The following GALNT13 variants were observed in gnomAD, a reference collection of about 807,000 sequenced individuals.
GALNT13 encodes the protein UDP-GalNAc:polypeptide N-acetylgalactosaminyltransferase 13.
A neutral mutation model predicts 64.2 loss-of-function variants in GALNT13; 28 were observed. That is an observed-to-expected ratio of 0.44 (90% CI 0.32 to 0.60). The LOEUF (loss-of-function observed/expected upper bound fraction) is 0.60, where lower values mean the gene tolerates loss of function less well. Among genes scored for constraint, GALNT13 ranks in the 20% least tolerant of loss-of-function variants. The pLI, the probability that GALNT13 is intolerant of heterozygous loss-of-function variation, is 0.05. For missense variants in GALNT13, 577 were observed against 669.8 expected (o/e 0.86, Z 1.53); for synonymous variants, 214 against 224.6 (o/e 0.95, Z 0.42).
the GALNT13 span, among the ~76,000 whole-genome samples, chr2:153,394,958 C>T: frequency 6.6e-6 from 1 of 152,034 alleles, no homozygotes; most frequent in South Asian, 2.1e-4. Flanking sequence ...AAGATCCGAT[C>T]CCAAGCTTTC....
chr2:154,304,135 A>G (rs1029104879), intron 9 of GALNT13, among the ~76,000 whole-genome samples: 2 of 152,192 alleles, frequency 1.3e-5, no homozygotes, highest in Non-Finnish European at 1.5e-5. Context: ...CAGCATCGCT[A>G]TATAAAGAAT....
At chr2:154,354,110 G>A (rs1559108313) in intron 9 of GALNT13, among the ~76,000 whole-genome samples, 1 of 152,154 alleles carries the variant, frequency 6.6e-6, no homozygotes, top group African/African-American at 2.4e-5. Context: ...ATTAATGGGT[G>A]TGAGGTGATA....
chr2:153,467,285 C>T, the GALNT13 span, among the ~76,000 whole-genome samples: 1 of 152,010 alleles, frequency 6.6e-6, no homozygotes, highest in Non-Finnish European at 1.5e-5. Context: ...TACATCCCCA[C>T]CTCTTAGAGC....
chr2:153,686,923 G>C, the GALNT13 span, among the ~76,000 whole-genome samples: 1 of 151,990 alleles, frequency 6.6e-6, no homozygotes, highest in Non-Finnish European at 1.5e-5. Flanking sequence ...CTTTAGTTCT[G>C]TTTTTGTGAT....
the GALNT13 span, among the ~76,000 whole-genome samples, chr2:153,506,071 T>C: frequency 2.6e-5 from 4 of 152,206 alleles, no homozygotes; most frequent in Non-Finnish European, 4.4e-5. Context: ...TATTTTCCTG[T>C]AGACTAGAAC....
intron 9 of GALNT13, among the ~76,000 whole-genome samples, chr2:154,320,854 G>C (rs530901982): frequency 6.6e-6 from 1 of 152,256 alleles, no homozygotes; most frequent in East Asian, 1.9e-4. Context: ...AATTGACAAT[G>C]AACTTTATCC....
chr2:153,453,320 G>T, the GALNT13 span, among the ~76,000 whole-genome samples: 1 of 152,128 alleles, frequency 6.6e-6, no homozygotes, highest in Admixed American at 6.5e-5. Flanking sequence ...ACTATCAACA[G>T]ACTAAACAGA....
the GALNT13 span, among the ~76,000 whole-genome samples, chr2:153,452,485 A>G: frequency 4.6e-5 from 7 of 152,094 alleles, no homozygotes. Context: ...CTCAAAAAAA[A>G]GAAAAAGAAT....
chr2:154,242,381 A>G (rs1381116771), intron 5 of GALNT13, among the ~76,000 whole-genome samples, 185 bp downstream of exon 5: 2 of 152,160 alleles, frequency 1.3e-5, no homozygotes, highest in Non-Finnish European at 2.9e-5. Flanking sequence ...TGCCAACTCT[A>G]GAAGCAAATA....
In GALNT13 at chr2:153,944,487, C is replaced by G. The variant is rs1432109102; in HGVS notation, c.-11C>G. ...TTCAATCTGTGTGTTAACTAGAAAT[C>G]AAGGAAAGACATGAGGAGATTTGTC... On this transcript the variant is annotated 5_prime_UTR_variant, in exon 3 of 13. The change creates a new upstream start codon in the 5' untranslated region. Coordinates refer to ENST00000392825, the MANE Select transcript of GALNT13 (RefSeq NM_052917.4). The G allele has an allele frequency of 6.2e-7, 1 of 1,609,922 alleles. No individual in the cohort carries two copies. The highest frequency in any genetic ancestry group is 8.5e-7 in the Non-Finnish European group (1 of 1,178,004).
chr2:153,259,200 C>T, the GALNT13 span, among the ~76,000 whole-genome samples: 3 of 152,138 alleles, frequency 2.0e-5, no homozygotes, highest in African/African-American at 7.2e-5. Context: ...CTCTGTATAG[C>T]CTTTGTCTTG....
intron 3 of GALNT13, among the ~76,000 whole-genome samples, chr2:154,040,425 T>C (rs1476114850): frequency 7.1e-6 from 1 of 140,794 alleles, no homozygotes; most frequent in Admixed American, 7.1e-5. Context: ...TATAAATTAA[T>C]TGATAATGGT....
chr2:153,320,910 T>C, the GALNT13 span, among the ~76,000 whole-genome samples: 1 of 152,208 alleles, frequency 6.6e-6, no homozygotes, highest in African/African-American at 2.4e-5. Flanking sequence ...ACCCATTCAA[T>C]TAAAACTTCT....
chr2:153,541,935 C>G, the GALNT13 span, among the ~76,000 whole-genome samples: 1 of 152,124 alleles, frequency 6.6e-6, no homozygotes. Flanking sequence ...CCATCTGCCT[C>G]TAGTCAGTAA....
the GALNT13 span, among the ~76,000 whole-genome samples, chr2:153,256,312 C>G: frequency 6.6e-6 from 1 of 152,194 alleles, no homozygotes; most frequent in African/African-American, 2.4e-5. Flanking sequence ...TGGTTTTCAG[C>G]TCCATCAGCT....
chr2:153,158,491 A>C, the GALNT13 span, among the ~76,000 whole-genome samples: 2 of 152,180 alleles, frequency 1.3e-5, no homozygotes, highest in Non-Finnish European at 2.9e-5. Flanking sequence ...TCACTGTAAA[A>C]CAAATTAGTC....
Position 153,950,157 on chromosome 2 carries a change from C to T in GALNT13, c.142+5518C>T, listed in dbSNP as rs534216617. On this transcript the variant is annotated intron_variant, in intron 3 of 12. Transcript: ENST00000392825. ...GAAGATAAAAAGAGAAGTTAAAAAT[C>T]GTAGAATATATATAAAGCAAACGCA... 2.0e-5 allele frequency among the ~76,000 whole-genome samples: 3 copies of T among 151,710 alleles called. No homozygotes were observed. In the South Asian group the frequency reaches 6.2e-4, roughly 32 times the overall value.
chr2:153,434,742 T>C, the GALNT13 span, among the ~76,000 whole-genome samples: 1 of 152,214 alleles, frequency 6.6e-6, no homozygotes, highest in Admixed American at 6.5e-5. Context: ...CTTTGTCAGA[T>C]AAGTAGGTTG....
At chr2:153,877,431 AAAG>A (rs1293239397) in intron 1 of GALNT13, among the ~76,000 whole-genome samples, 3 of 152,158 alleles carry the variant, frequency 2.0e-5, no homozygotes, top group Admixed American at 6.6e-5. Flanking sequence ...CTGTAAACAG[AAAG>A]AAGAATTTAA....
Sources: gnomAD v4.1 joint callset for allele counts (sites outside exome capture counted in the v4.1 genomes callset) on GRCh38, gnomAD v4.1.1 for gene constraint, MANE v1.5 for transcripts, NCBI Gene and HGNC (gene_info 2026-07-23, HGNC 2026-07-21) for gene names.